The following MTUS2 variants were observed in gnomAD, a reference collection of about 807,000 sequenced individuals.
MTUS2 encodes microtubule-associated tumor suppressor candidate 2.
MTUS2 carries 40 observed loss-of-function variants against 114.1 expected under a neutral mutation model. The ratio of observed to expected loss-of-function variants is 0.35; its 90% CI spans 0.27 to 0.46. The LOEUF is 0.46. Ranked by LOEUF, MTUS2 falls within the 20% of genes least tolerant of loss-of-function variation. The pLI is 1.00. For missense variants in MTUS2, 1,679 were observed against 1,705.4 expected (o/e 0.98, Z 0.27); for synonymous variants, 688 against 672.0 (o/e 1.02, Z -0.37).
chr13:28,994,132 A>G (rs1383756854), intron 2 of MTUS2, among the ~76,000 whole-genome samples: 5 of 152,004 alleles, frequency 3.3e-5, no homozygotes, highest in Admixed American at 6.5e-5. Flanking sequence ...ATTACCACCT[A>G]TGAGTGAGAA....
At chr13:29,049,603 A>C (rs1466119751) in intron 4 of MTUS2, among the ~76,000 whole-genome samples, 1 of 152,234 alleles carries the variant, frequency 6.6e-6, no homozygotes. Flanking sequence ...AGTCTGTCAA[A>C]TGCAGAAAAC....
intron 2 of MTUS2, among the ~76,000 whole-genome samples, chr13:28,948,073 A>G (rs1246678187): frequency 6.6e-6 from 1 of 152,248 alleles, no homozygotes; most frequent in Non-Finnish European, 1.5e-5. Flanking sequence ...TTTCAGAGCT[A>G]GCATATTTAT....
At chr13:29,340,128 C>T (rs1901316349) in intron 7 of MTUS2, among the ~76,000 whole-genome samples, 3 of 152,152 alleles carry the variant, frequency 2.0e-5, no homozygotes, top group Admixed American at 1.3e-4. Flanking sequence ...GCCGGTGCCT[C>T]GCGGAATTCG....
intron 4 of MTUS2, among the ~76,000 whole-genome samples, chr13:29,057,147 C>T (rs1488878683): frequency 6.6e-6 from 1 of 151,918 alleles, no homozygotes. Context: ...TTTTATTGTG[C>T]TGCGGCCTAA....
chr13:28,850,054 C>T (rs932795015), intron 2 of MTUS2, among the ~76,000 whole-genome samples: 2 of 152,018 alleles, frequency 1.3e-5, no homozygotes, highest in Non-Finnish European at 1.5e-5. Flanking sequence ...TGGAACAGGC[C>T]GTAAGGATGG....
chr13:29,333,386 G>A (rs972130292), intron 7 of MTUS2, among the ~76,000 whole-genome samples: 2 of 151,956 alleles, frequency 1.3e-5, no homozygotes, highest in African/African-American at 4.8e-5. Context: ...TAGTAGAGAT[G>A]GGGTTTCTCC....
At chr13:29,484,980 A>T (rs1273157499) in intron 10 of MTUS2, 1 of 152,284 alleles carries the variant, frequency 6.6e-6, no homozygotes, top group Non-Finnish European at 1.5e-5. Flanking sequence ...GGTTTTCCAT[A>T]GAACGAGGAC....
intron 9 of MTUS2, among the ~76,000 whole-genome samples, chr13:29,468,367 TCAG>T (rs1333112168): frequency 6.6e-6 from 1 of 152,068 alleles, no homozygotes; most frequent in Non-Finnish European, 1.5e-5. Context: ...TTACTTGTGG[TCAG>T]CAGTTCTAGA....
chr13:28,961,856 G>T (rs1566254361), intron 2 of MTUS2, among the ~76,000 whole-genome samples: 2 of 151,936 alleles, frequency 1.3e-5, no homozygotes, highest in African/African-American at 2.4e-5. Flanking sequence ...AGGGTAAAAT[G>T]ATTTATGTTT....
At chr13:29,101,809 A>AAG (rs138490009) in intron 5 of MTUS2, among the ~76,000 whole-genome samples, 12 of 152,006 alleles carry the variant, frequency 7.9e-5, no homozygotes, top group East Asian at 3.9e-4. Flanking sequence ...AATAATTCGA[A>AAG]AGAGAGAGAG....
intron 2 of MTUS2, among the ~76,000 whole-genome samples, chr13:28,966,748 A>C (rs866888898): frequency 3.6e-5 from 5 of 140,098 alleles, no homozygotes; most frequent in East Asian, 4.2e-4. Context: ...AAAAAAAAAA[A>C]CAAAGAACTG....
rs547444216 is a variant in MTUS2 at position 28,940,463 on chromosome 13, G to A, written c.-242-83994G>A. Among the ~76,000 whole-genome samples the A allele has an allele frequency of 2.0e-5, 3 of 152,252 alleles. No homozygotes were observed. In the East Asian group the frequency reaches 5.8e-4, roughly 29 times the overall value. ...TGTTTACCAGGGTTTGTGGGGAGAA[G>A]GGGCGTGGGAAGTAACTACTTAGTG... On this transcript the variant is annotated intron_variant, in intron 2 of 15. Transcript: ENST00000612955.
At chr13:29,106,688 C>G (rs1294546824) in intron 5 of MTUS2, among the ~76,000 whole-genome samples, 1 of 152,110 alleles carries the variant, frequency 6.6e-6, no homozygotes, top group African/African-American at 2.4e-5. Flanking sequence ...CTTTTCTGTT[C>G]ACTCATCATT....
rs770997400 is a variant in MTUS2 at position 29,055,039 on chromosome 13, A to G, written c.2446+20914A>G. 2.1e-4 allele frequency among the ~76,000 whole-genome samples: 32 copies of G among 152,184 alleles called. 4 individuals carry two copies. The South Asian group carries it at 2.3e-3, about 11-fold the overall frequency. ...TTGGTATACTGATGGATAAATGTCA[A>G]TTAGGTCCAGTTGATTGATAGCGTT... On this transcript the variant is annotated intron_variant, in intron 4 of 15. Transcript: ENST00000612955.
At chr13:29,073,986 C>T (rs898883935) in intron 4 of MTUS2, among the ~76,000 whole-genome samples, 2 of 152,220 alleles carry the variant, frequency 1.3e-5, no homozygotes, top group East Asian at 1.9e-4. Flanking sequence ...TTAATCCATC[C>T]GCTCAGCCCC....
intron 6 of MTUS2, chr13:29,307,453 G>T: frequency 7.6e-7 from 1 of 1,315,746 alleles, no homozygotes; most frequent in East Asian, 2.3e-5. Flanking sequence ...TGAGCTGAAT[G>T]GGAAGCTCAC....
intron 6 of MTUS2, among the ~76,000 whole-genome samples, chr13:29,293,355 A>G (rs375772560): frequency 1.1e-4 from 16 of 152,324 alleles, no homozygotes; most frequent in South Asian, 8.3e-4. Flanking sequence ...AAGATATTCA[A>G]ATTTACTAAT....
At chr13:28,987,242 C>A (rs911345924) in intron 2 of MTUS2, among the ~76,000 whole-genome samples, 3 of 152,100 alleles carry the variant, frequency 2.0e-5, no homozygotes, top group Non-Finnish European at 4.4e-5. Context: ...CAAGAGGCAA[C>A]CCTGGGTGAA....
intron 6 of MTUS2, among the ~76,000 whole-genome samples, chr13:29,311,139 T>A (rs1293325681): frequency 2.0e-5 from 3 of 152,206 alleles, no homozygotes; most frequent in African/African-American, 4.8e-5. Flanking sequence ...GACAGTGTGG[T>A]TTCATCCACG....
Sources: gnomAD v4.1 joint callset for allele counts (sites outside exome capture counted in the v4.1 genomes callset) on GRCh38, gnomAD v4.1.1 for gene constraint, MANE v1.5 for transcripts, NCBI Gene and HGNC (gene_info 2026-07-23, HGNC 2026-07-21) for gene names.